The following DDX60 variants were observed in gnomAD, a reference collection of about 807,000 sequenced individuals.
DDX60 encodes the protein probable ATP-dependent RNA helicase DDX60.
DDX60 carries 165 observed loss-of-function variants against 212.8 expected under a neutral mutation model. That is an observed-to-expected ratio of 0.78 (90% CI 0.68 to 0.88). The LOEUF (loss-of-function observed/expected upper bound fraction) is 0.88. Ranked by LOEUF, DDX60 falls within the 40% of genes least tolerant of loss-of-function variation. The probability of loss-of-function intolerance (pLI) is 0.00; values close to 1 mark genes in which losing one functional copy is unlikely to be tolerated. For missense variants in DDX60, 1,905 were observed against 2,003.9 expected, an observed-to-expected ratio of 0.95 and a Z score of 0.94; for synonymous variants, 703 against 685.3, an observed-to-expected ratio of 1.03 and a Z score of -0.40.
At chr4:168,307,352 A>G (rs1188799646) in intron 4 of DDX60, among the ~76,000 whole-genome samples, 1 of 152,232 alleles carries the variant, frequency 6.6e-6, no homozygotes, top group Non-Finnish European at 1.5e-5. Context: ...TTTATTTGAA[A>G]TTGTTAAAAA....
intron 22 of DDX60, among the ~76,000 whole-genome samples, chr4:168,266,096 GC>G (rs1414011179): frequency 6.6e-6 from 1 of 152,148 alleles, no homozygotes; most frequent in Non-Finnish European, 1.5e-5. Flanking sequence ...CAGCCAGCTT[GC>G]TTTTAGAAGC....
intron 33 of DDX60, among the ~76,000 whole-genome samples, chr4:168,227,788 T>A (rs1733309751): frequency 1.3e-5 from 2 of 152,118 alleles, no homozygotes; most frequent in Non-Finnish European, 2.9e-5. Context: ...AAAATATTTT[T>A]AAATGTCCAT....
At chr4:168,322,467 A>G (rs1737626142), upstream of DDX60, among the ~76,000 whole-genome samples, 1 of 152,118 alleles carries the variant, frequency 6.6e-6, no homozygotes, top group Admixed American at 6.6e-5. Flanking sequence ...TATTGAAACA[A>G]CCTTTTCACT....
chr4:168,292,232 G>A (rs1736143551), intron 7 of DDX60, among the ~76,000 whole-genome samples: 1 of 151,674 alleles, frequency 6.6e-6, no homozygotes, highest in Non-Finnish European at 1.5e-5. Context: ...ATTTTTAGTA[G>A]AGGCACTGTT....
At chr4:168,217,965 A>G (rs1732911053) in intron 37 of DDX60, among the ~76,000 whole-genome samples, 1 of 152,180 alleles carries the variant, frequency 6.6e-6, no homozygotes, top group Non-Finnish European at 1.5e-5. Flanking sequence ...GTTTGTGGTA[A>G]TTTGTTGCAG....
At chr4:168,274,436 C>G (rs375844547) in intron 16 of DDX60, among the ~76,000 whole-genome samples, 1 of 152,154 alleles carries the variant, frequency 6.6e-6, no homozygotes, top group Non-Finnish European at 1.5e-5. Flanking sequence ...GAAGAAACAT[C>G]AAACATTCTT....
intron 9 of DDX60, 107 bp from the exon 10 acceptor site, chr4:168,287,310 A>G: frequency 2.7e-6 from 3 of 1,093,508 alleles, no homozygotes; most frequent in Non-Finnish European, 4.0e-6. Flanking sequence ...TACTTTCCAC[A>G]TAGTGAAATT....
chr4:168,238,944 A>T (rs1733737755), intron 30 of DDX60, among the ~76,000 whole-genome samples: 1 of 152,186 alleles, frequency 6.6e-6, no homozygotes, highest in African/African-American at 2.4e-5. Flanking sequence ...CTCAGCTCTG[A>T]AAGGGTATTT....
At chr4:168,235,511 A>T (rs1424854359) in intron 33 of DDX60, among the ~76,000 whole-genome samples, 1 of 152,126 alleles carries the variant, frequency 6.6e-6, no homozygotes, top group Non-Finnish European at 1.5e-5. Context: ...ATGATAGGTC[A>T]ATGACTAAAA....
At chr4:168,308,347 T>C (rs940522747) in intron 3 of DDX60, 152 bp from the exon 4 acceptor site, 2 of 573,206 alleles carry the variant, frequency 3.5e-6, no homozygotes, top group African/African-American at 3.8e-5. Flanking sequence ...TTTTCAAACA[T>C]ATCTACATTC....
chr4:168,324,583 C>T, the DDX60 span, among the ~76,000 whole-genome samples: 67 of 152,286 alleles, frequency 4.4e-4, no homozygotes, highest in Middle Eastern at 3.4e-3. Context: ...TATGTTGCCT[C>T]CAGAACCCAA....
intron 23 of DDX60, 36 bp downstream of exon 23, chr4:168,262,647 C>T (rs776137649): frequency 1.5e-6 from 2 of 1,368,712 alleles, no homozygotes; most frequent in Admixed American, 1.8e-5. Flanking sequence ...TATTATCATC[C>T]TCTATAATAG....
At chr4:168,228,468 T>C (rs1733334648) in intron 33 of DDX60, among the ~76,000 whole-genome samples, 1 of 152,100 alleles carries the variant, frequency 6.6e-6, no homozygotes, top group South Asian at 2.1e-4. Context: ...TCTCTTCCCT[T>C]CTTGTTTTTA....
rs1441110573 is a variant in DDX60, at chr4:168,273,954, C to G, written c.2434G>C (p.Val812Leu). The G allele has an allele frequency of 1.2e-6, 2 of 1,613,978 alleles. No individual in the cohort carries two copies. Among genetic ancestry groups the G allele is most frequent in the Non-Finnish European group, 1.7e-6 (2 of 1,179,924 alleles). Residue 812 changes from valine to leucine, a missense_variant, in exon 17 of 38, where the codon GTG becomes CTG. Coordinates refer to ENST00000393743, the MANE Select transcript of DDX60 (RefSeq NM_017631.6). ...VLKESDDGVVVYVAPTKALVN... is the reference protein window; with the variant it reads ...VLKESDDGVVLYVAPTKALVN... The stretch of plus-strand genomic sequence containing the variant: ...ACTACCTTTGTGGGTGCAACGTACA[C>G]GACCACCCCGTCGTCGCTCTCCTTC...
chr4:168,259,742 A>C (rs1327922442), intron 25 of DDX60, among the ~76,000 whole-genome samples: 1 of 150,928 alleles, frequency 6.6e-6, no homozygotes, highest in Non-Finnish European at 1.5e-5. Context: ...GTCCAACGAA[A>C]TTGCACTATT....
chr4:168,233,653 A>C (rs978904135), intron 33 of DDX60, among the ~76,000 whole-genome samples: 1 of 152,114 alleles, frequency 6.6e-6, no homozygotes, highest in Admixed American at 6.6e-5. Context: ...AGTGAGAGCT[A>C]AGCTATGAGG....
At chr4:168,280,822 C>T (rs1286679951) in intron 13 of DDX60, among the ~76,000 whole-genome samples, 2 of 152,120 alleles carry the variant, frequency 1.3e-5, no homozygotes, top group African/African-American at 2.4e-5. Context: ...TTCTAGATTT[C>T]TGAGTGGTGT....
At chr4:168,307,425 C>CA (rs1736932618) in intron 4 of DDX60, among the ~76,000 whole-genome samples, 1 of 152,092 alleles carries the variant, frequency 6.6e-6, no homozygotes, top group Admixed American at 6.5e-5. Flanking sequence ...GGAAATACCT[C>CA]AAACAAACCA....
intron 22 of DDX60, among the ~76,000 whole-genome samples, chr4:168,263,025 GT>G (rs1391023099): frequency 6.6e-6 from 1 of 152,146 alleles, no homozygotes; most frequent in Non-Finnish European, 1.5e-5. Context: ...CCTTTTCATT[GT>G]GCTAATTTTC....
Sources: allele counts gnomAD v4.1 joint callset (sites outside exome capture counted in the v4.1 genomes callset), GRCh38; gene constraint gnomAD v4.1.1; transcripts MANE v1.5; gene names NCBI Gene and HGNC (gene_info 2026-07-23, HGNC 2026-07-21).